RHBDD1: variants seen among roughly 807,000 people sequenced by gnomAD.
RHBDD1 encodes rhomboid domain containing 1.
A neutral mutation model predicts 36.3 loss-of-function variants in RHBDD1; 38 were observed. That is an observed-to-expected ratio of 1.05 (90% confidence interval 0.81 to 1.37). The LOEUF (loss-of-function observed/expected upper bound fraction) is 1.37. RHBDD1 is among the 40% of genes most tolerant of loss of function. The probability of loss-of-function intolerance (pLI) is 0.00; values close to 1 mark genes in which losing one functional copy is unlikely to be tolerated. For missense variants in RHBDD1, 393 were observed against 377.6 expected (o/e 1.04, Z -0.34); for synonymous variants, 151 against 136.5 (o/e 1.11, Z -0.74).
chr2:226,848,373 A>C (rs1422083960), intron 3 of RHBDD1, among the ~76,000 whole-genome samples: 1 of 152,212 alleles, frequency 6.6e-6, no homozygotes. Flanking sequence ...CTTGGGAAAG[A>C]CTATTCCTAT....
At chr2:226,946,229 T>A (rs1950985490) in intron 8 of RHBDD1, among the ~76,000 whole-genome samples, 1 of 152,230 alleles carries the variant, frequency 6.6e-6, no homozygotes, top group Admixed American at 6.5e-5. Flanking sequence ...TGCCCATGCC[T>A]ATGTTCTGAA....
At chr2:226,963,336 C>T (rs920439113) in intron 8 of RHBDD1, among the ~76,000 whole-genome samples, 16 of 152,166 alleles carry the variant, frequency 1.1e-4, no homozygotes, top group Non-Finnish European at 1.5e-5. Flanking sequence ...TACTTCCTTC[C>T]TACTTTTTCA....
rs755449905 is a variant in RHBDD1, at chr2:226,975,173, A to G, written c.857-20258A>G. ...CCAAGATTTAATATGGTGCCCCAGAATGATAAATGAGAATAAAGAGAAACT... is the reference window on the plus strand; with the variant it reads ...CCAAGATTTAATATGGTGCCCCAGAGTGATAAATGAGAATAAAGAGAAACT... On this transcript the variant is annotated intron_variant, in intron 8 of 8. Transcript: ENST00000392062. 3.9e-5 allele frequency among the ~76,000 whole-genome samples: 6 copies of G among 152,236 alleles called. No individual in the cohort carries two copies. The East Asian group carries it at 7.7e-4, about 20-fold the overall frequency.
intron 8 of RHBDD1, among the ~76,000 whole-genome samples, chr2:226,983,230 C>A (rs1956178793): frequency 6.6e-6 from 1 of 152,108 alleles, no homozygotes; most frequent in South Asian, 2.1e-4. Flanking sequence ...CTGGAATCTT[C>A]CATTAGAACC....
chr2:226,920,964 T>C (rs754339345), intron 8 of RHBDD1, among the ~76,000 whole-genome samples: 14 of 152,152 alleles, frequency 9.2e-5, no homozygotes, highest in South Asian at 4.1e-4. Flanking sequence ...TTTGGTAAAA[T>C]TTAGCAGTGA....
chr2:226,975,623 G>A (rs145375937), intron 8 of RHBDD1, among the ~76,000 whole-genome samples: 1,656 of 152,194 alleles, frequency 0.011, 26 homozygotes, highest in Middle Eastern at 0.044. Flanking sequence ...TAAAGATGGC[G>A]TCAAACTATT....
chr2:226,814,258 A>G, the RHBDD1 span, among the ~76,000 whole-genome samples: 1 of 152,150 alleles, frequency 6.6e-6, no homozygotes, highest in Non-Finnish European at 1.5e-5. Flanking sequence ...AGTCTTTCCA[A>G]GAAGAAGAGA....
At chr2:226,879,420 C>A (rs73085818) in intron 5 of RHBDD1, among the ~76,000 whole-genome samples, 5,628 of 152,240 alleles carry the variant, frequency 0.037, 354 homozygotes, top group African/African-American at 0.13. Context: ...ACTGTTTGTT[C>A]ACGAGGCTTA....
intron 3 of RHBDD1, among the ~76,000 whole-genome samples, chr2:226,855,616 T>C (rs1943246297): frequency 6.6e-6 from 1 of 152,234 alleles, no homozygotes; most frequent in African/African-American, 2.4e-5. Context: ...AGTTTCTTAA[T>C]ATGGTTATAA....
intron 5 of RHBDD1, among the ~76,000 whole-genome samples, chr2:226,895,041 G>GGA (rs1216990715): frequency 2.0e-5 from 3 of 152,200 alleles, no homozygotes; most frequent in Non-Finnish European, 4.4e-5. Context: ...CTGGCAGAAG[G>GGA]GAGAGAGAAG....
At chr2:226,969,794 T>C (rs1328371254) in intron 8 of RHBDD1, among the ~76,000 whole-genome samples, 1 of 152,172 alleles carries the variant, frequency 6.6e-6, no homozygotes, top group East Asian at 1.9e-4. Context: ...CATTTTAGAG[T>C]ATTTTTAGTA....
At chr2:226,836,874 C>G (rs1941032863) in intron 1 of RHBDD1, among the ~76,000 whole-genome samples, 1 of 152,174 alleles carries the variant, frequency 6.6e-6, no homozygotes, top group African/African-American at 2.4e-5. Context: ...TGGTTTGCTG[C>G]AGGCCTGCCG....
At chr2:226,848,179 A>G (rs1942423269) in intron 3 of RHBDD1, among the ~76,000 whole-genome samples, 1 of 152,240 alleles carries the variant, frequency 6.6e-6, no homozygotes, top group Non-Finnish European at 1.5e-5. Context: ...GTATTTGCAC[A>G]TTACTTGGTA....
intron 8 of RHBDD1, among the ~76,000 whole-genome samples, chr2:226,948,424 G>A (rs1354299781): frequency 1.4e-5 from 2 of 144,186 alleles, no homozygotes; most frequent in African/African-American, 5.2e-5. Flanking sequence ...TGGTGGGGTA[G>A]GGGGAGGGGG....
intron 3 of RHBDD1, among the ~76,000 whole-genome samples, chr2:226,842,485 G>GT (rs1941760969): frequency 6.6e-6 from 1 of 152,090 alleles, no homozygotes; most frequent in African/African-American, 2.4e-5. Context: ...AAGGGGTCTA[G>GT]TTTCAGTTTT....
intron 8 of RHBDD1, among the ~76,000 whole-genome samples, chr2:226,955,937 A>C (rs929965564): frequency 6.6e-6 from 1 of 152,216 alleles, no homozygotes; most frequent in African/African-American, 2.4e-5. Context: ...AGTCCCTAAC[A>C]AGTAACGATT....
chr2:226,838,775 G>GA (rs1559178305), intron 2 of RHBDD1, among the ~76,000 whole-genome samples: 1 of 151,958 alleles, frequency 6.6e-6, no homozygotes, highest in South Asian at 2.1e-4. Context: ...TTGTGAATGA[G>GA]AAAAAACAAA....
intron 5 of RHBDD1, among the ~76,000 whole-genome samples, chr2:226,883,281 A>G (rs1945925634): frequency 1.3e-5 from 2 of 152,224 alleles, no homozygotes; most frequent in South Asian, 2.1e-4. Context: ...GCATGAACAT[A>G]TATTGTGTTC....
chr2:226,910,933 T>C (rs1948475489), intron 7 of RHBDD1, among the ~76,000 whole-genome samples: 1 of 152,162 alleles, frequency 6.6e-6, no homozygotes, highest in Non-Finnish European at 1.5e-5. Context: ...TCTTTCTGAT[T>C]TAAGGCACCA....
Sources: allele counts gnomAD v4.1 joint callset (sites outside exome capture counted in the v4.1 genomes callset), GRCh38; gene constraint gnomAD v4.1.1; transcripts MANE v1.5; gene names NCBI Gene and HGNC (gene_info 2026-07-23, HGNC 2026-07-21).